Variants in COMMD1 observed in about 807,000 individuals in gnomAD.
The protein encoded by COMMD1 is copper metabolism domain containing 1, also known as COMM domain-containing protein 1.
In COMMD1, 10 loss-of-function variants were observed where a neutral mutation model predicts 17.2. The observed-to-expected ratio is 0.58, with a 90% confidence interval of 0.36 to 0.99. COMMD1 has a LOEUF of 0.99. Among genes scored for constraint, COMMD1 ranks in the 50% least tolerant of loss-of-function variants. COMMD1 has a pLI of 0.01. For synonymous variants in COMMD1, 97 were observed against 91.6 expected (o/e 1.06, Z -0.34); for missense variants, 270 against 231.8 (o/e 1.17, Z -1.07).
intron 2 of COMMD1, among the ~76,000 whole-genome samples, chr2:62,066,751 A>G (rs192015734): frequency 4.7e-5 from 7 of 150,242 alleles, no homozygotes; most frequent in Non-Finnish European, 5.9e-5. Context: ...TTTGAGACAC[A>G]GTCTTGCTCT....
chr2:62,090,866 G>T (rs1172625273), intron 2 of COMMD1: 1 of 152,214 alleles, frequency 6.6e-6, no homozygotes, highest in African/African-American at 2.4e-5. Flanking sequence ...TTCCCAGGGG[G>T]AGTATTCTTG....
chr2:61,943,649 A>G (rs1332162722), intron 1 of COMMD1, among the ~76,000 whole-genome samples: 2 of 152,142 alleles, frequency 1.3e-5, no homozygotes, highest in Admixed American at 6.5e-5. Context: ...AACCTGGCCA[A>G]TATGGTGAAA....
At chr2:61,975,705 C>T (rs560497610) in intron 1 of COMMD1, among the ~76,000 whole-genome samples, 6 of 152,240 alleles carry the variant, frequency 3.9e-5, no homozygotes, top group African/African-American at 9.6e-5. Context: ...AAAAATTTCT[C>T]TAGACTTCTT....
chr2:62,129,532 AT>A (rs1327814193), intron 2 of COMMD1, among the ~76,000 whole-genome samples: 1 of 152,230 alleles, frequency 6.6e-6, no homozygotes, highest in Non-Finnish European at 1.5e-5. Context: ...AGCAGTATCA[AT>A]GATAATTGTA....
chr2:61,974,018 G>A (rs1312151109), intron 1 of COMMD1, among the ~76,000 whole-genome samples: 1 of 152,190 alleles, frequency 6.6e-6, no homozygotes, highest in East Asian at 1.9e-4. Context: ...AATGGGGCTG[G>A]GCGCGATGGC....
rs570624765 is a variant in COMMD1, at chr2:62,064,329, A to G, written c.462+63347A>G. Among the ~76,000 whole-genome samples the G allele has an allele frequency of 5.4e-4, 82 of 152,088 alleles. No homozygotes were observed. In the South Asian group the frequency reaches 0.016, roughly 30 times the overall value. Reference sequence around the variant, plus strand: ...GCAGGGATTACAGGTATGTGCCACAACGCCTGGCTAATTTTTGTATTTTTA... The same window carrying G: ...GCAGGGATTACAGGTATGTGCCACAGCGCCTGGCTAATTTTTGTATTTTTA... On this transcript the variant is annotated intron_variant, in intron 2 of 2. Transcript: ENST00000311832.
At chr2:61,970,495 A>G (rs1671619859) in intron 1 of COMMD1, among the ~76,000 whole-genome samples, 1 of 152,200 alleles carries the variant, frequency 6.6e-6, no homozygotes, top group African/African-American at 2.4e-5. Context: ...GATTACTTAT[A>G]ATACGTAAAA....
At chr2:62,102,980 CTTTT>C (rs1237752965) in intron 2 of COMMD1, among the ~76,000 whole-genome samples, 3 of 140,790 alleles carry the variant, frequency 2.1e-5, no homozygotes, top group Admixed American at 7.1e-5. Flanking sequence ...CTTTTTCTTT[CTTTT>C]TTTTTTTTTT....
intron 1 of COMMD1, among the ~76,000 whole-genome samples, chr2:61,996,179 C>CA (rs1573046245): frequency 6.6e-6 from 1 of 152,148 alleles, no homozygotes; most frequent in Non-Finnish European, 1.5e-5. Context: ...GCCTGAGTAA[C>CA]AGAGACCCCA....
chr2:62,072,194 CA>C (rs1422135134), intron 2 of COMMD1, among the ~76,000 whole-genome samples: 4 of 152,166 alleles, frequency 2.6e-5, no homozygotes, highest in African/African-American at 9.7e-5. Context: ...CCTAGGCAGA[CA>C]GGGGCGGGTC....
intron 1 of COMMD1, among the ~76,000 whole-genome samples, chr2:61,979,249 C>T (rs535213184): frequency 2.6e-5 from 4 of 152,126 alleles, no homozygotes; most frequent in East Asian, 1.9e-4. Flanking sequence ...GAGGCTGAGG[C>T]GGGTGGATCA....
intron 1 of COMMD1, among the ~76,000 whole-genome samples, chr2:61,964,726 G>A (rs1416391298): frequency 1.3e-5 from 2 of 152,138 alleles, no homozygotes; most frequent in Admixed American, 6.5e-5. Context: ...AAAGAATTGA[G>A]GCTGGGCATG....
In COMMD1 at chr2:62,066,882, T is replaced by C. The variant is rs548456300; in HGVS notation, c.462+65900T>C. ...TTGGGATTACAGATGTGCACCACCA[T>C]GCCTGGCTAAGTTTTGTATTTTTAG... is the stretch of plus-strand genomic sequence containing the variant. On this transcript the variant is annotated intron_variant, in intron 2 of 2. Transcript: ENST00000311832. Among the ~76,000 whole-genome samples, 4 of 151,566 alleles carry C rather than the reference T, an allele frequency of 2.6e-5. No homozygotes were observed. In the East Asian group the frequency reaches 5.9e-4, roughly 22 times the overall value.
intron 1 of COMMD1, among the ~76,000 whole-genome samples, chr2:61,973,504 A>G (rs905733324): frequency 1.3e-5 from 2 of 152,182 alleles, no homozygotes; most frequent in Non-Finnish European, 2.9e-5. Context: ...TTGAACTAAT[A>G]AATATTTTCG....
At chr2:61,946,216 C>G (rs1670900813) in intron 1 of COMMD1, among the ~76,000 whole-genome samples, 2 of 152,106 alleles carry the variant, frequency 1.3e-5, no homozygotes, top group Non-Finnish European at 2.9e-5. Flanking sequence ...AAAAATTAAT[C>G]AGAGAGAAGT....
chr2:61,984,886 C>CT, intron 1 of COMMD1, among the ~76,000 whole-genome samples: 1 of 150,614 alleles, frequency 6.6e-6, no homozygotes, highest in South Asian at 2.1e-4. Flanking sequence ...TGAATTGGCT[C>CT]TTTTATCATA....
chr2:61,925,375 TGA>T (rs2105199926), intron 1 of COMMD1, among the ~76,000 whole-genome samples: 1 of 152,104 alleles, frequency 6.6e-6, no homozygotes, highest in Admixed American at 6.5e-5. Flanking sequence ...GCTTATGGAA[TGA>T]GGGGTTTATA....
At chr2:62,101,808 C>CA (rs745749668) in intron 2 of COMMD1, among the ~76,000 whole-genome samples, 5 of 152,200 alleles carry the variant, frequency 3.3e-5, no homozygotes, top group Non-Finnish European at 7.3e-5. Flanking sequence ...ACCACCCTTT[C>CA]AGCACCTCAG....
chr2:61,923,706 GC>G (rs1406363314), intron 1 of COMMD1, among the ~76,000 whole-genome samples: 1 of 152,160 alleles, frequency 6.6e-6, no homozygotes, highest in African/African-American at 2.4e-5. Context: ...TGAGCAGGGA[GC>G]CAGTGAAAAA....
Sources: gnomAD v4.1 joint callset for allele counts (sites outside exome capture counted in the v4.1 genomes callset) on GRCh38, gnomAD v4.1.1 for gene constraint, MANE v1.5 for transcripts, NCBI Gene and HGNC (gene_info 2026-07-23, HGNC 2026-07-21) for gene names.